Variants in MARCHF1 observed in about 807,000 individuals in gnomAD.
MARCHF1 encodes membrane associated ring-CH-type finger 1, also known as E3 ubiquitin-protein ligase MARCHF1.
A neutral mutation model predicts 54.2 loss-of-function variants in MARCHF1; 40 were observed. The observed-to-expected ratio is 0.74, with a 90% confidence interval of 0.57 to 0.96. The LOEUF (loss-of-function observed/expected upper bound fraction) is 0.96. MARCHF1 is among the 40% of genes least tolerant of loss of function. The pLI, the probability that MARCHF1 is intolerant of heterozygous loss-of-function variation, is 0.00. For synonymous variants in MARCHF1, 236 were observed against 236.3 expected, an observed-to-expected ratio of 1.00 and a Z score of 0.01; for missense variants, 586 against 656.5, an observed-to-expected ratio of 0.89 and a Z score of 1.17.
chr4:163,760,631 C>T (rs1361881250), intron 4 of MARCHF1, among the ~76,000 whole-genome samples: 2 of 152,144 alleles, frequency 1.3e-5, no homozygotes, highest in Non-Finnish European at 2.9e-5. Context: ...ACTGGAGATA[C>T]AATTTGCATT....
At chr4:164,308,151 C>A (rs1156420389) in intron 1 of MARCHF1, among the ~76,000 whole-genome samples, 1 of 152,094 alleles carries the variant, frequency 6.6e-6, no homozygotes, top group African/African-American at 2.4e-5. Flanking sequence ...TTTCAAAAAC[C>A]ACTAAAGTTG....
chr4:163,676,615 G>A (rs906560076), intron 5 of MARCHF1, among the ~76,000 whole-genome samples: 2 of 152,006 alleles, frequency 1.3e-5, no homozygotes, highest in South Asian at 2.1e-4. Flanking sequence ...AATTGGCAGG[G>A]CATGGTGGCA....
At chr4:163,530,414 C>G (rs1738307016) in intron 9 of MARCHF1, 1 of 152,046 alleles carries the variant, frequency 6.6e-6, no homozygotes, top group Middle Eastern at 3.4e-3. Context: ...TGGTAATCTT[C>G]TTTATATTTT....
chr4:163,607,371 CTT>C (rs1741179463), intron 7 of MARCHF1, among the ~76,000 whole-genome samples: 2 of 151,952 alleles, frequency 1.3e-5, no homozygotes, highest in Admixed American at 6.6e-5. Context: ...AATGTCAGTA[CTT>C]TGTTGGAGAC....
chr4:164,003,374 C>A (rs1038440237), intron 2 of MARCHF1, among the ~76,000 whole-genome samples: 4 of 151,886 alleles, frequency 2.6e-5, no homozygotes, highest in African/African-American at 9.7e-5. Context: ...TATAAACACA[C>A]CAATTCAAGG....
At chr4:164,045,979 A>G (rs904370666) in intron 2 of MARCHF1, among the ~76,000 whole-genome samples, 4 of 152,330 alleles carry the variant, frequency 2.6e-5, no homozygotes, top group Middle Eastern at 6.8e-3. Context: ...AAGACACAAG[A>G]TTCCTAAATC....
chr4:164,034,975 T>C (rs1166313904), intron 2 of MARCHF1, among the ~76,000 whole-genome samples: 3 of 152,262 alleles, frequency 2.0e-5, no homozygotes, highest in African/African-American at 7.2e-5. Flanking sequence ...AAAATCCGTG[T>C]TATAAATTGA....
At chr4:164,197,378 T>C (rs780009047) in intron 1 of MARCHF1, 101 of 1,613,076 alleles carry the variant, frequency 6.3e-5, no homozygotes, top group Non-Finnish European at 8.0e-5. Context: ...TCTAAGCTCT[T>C]GAGGTTTTCT....
intron 2 of MARCHF1, among the ~76,000 whole-genome samples, chr4:164,042,644 T>C (rs1323517723): frequency 2.0e-5 from 3 of 152,152 alleles, no homozygotes; most frequent in African/African-American, 7.2e-5. Flanking sequence ...CCTCCTCACA[T>C]TGCAAAATAC....
chr4:164,057,023 C>T (rs1754507521), intron 2 of MARCHF1, among the ~76,000 whole-genome samples: 1 of 152,100 alleles, frequency 6.6e-6, no homozygotes, highest in Non-Finnish European at 1.5e-5. Flanking sequence ...GTTCCTGTCA[C>T]ACCCCAGAAA....
At chr4:164,338,214 T>C (rs1729814250) in intron 1 of MARCHF1, among the ~76,000 whole-genome samples, 1 of 152,120 alleles carries the variant, frequency 6.6e-6, no homozygotes, top group Non-Finnish European at 1.5e-5. Flanking sequence ...TAGACTATTA[T>C]AATGATAAAG....
chr4:163,837,433 G>T (rs1300584188), intron 4 of MARCHF1, among the ~76,000 whole-genome samples: 1 of 152,166 alleles, frequency 6.6e-6, no homozygotes, highest in African/African-American at 2.4e-5. Context: ...TTTATAAGTT[G>T]CATGTAAGAG....
intron 4 of MARCHF1, among the ~76,000 whole-genome samples, chr4:163,724,805 G>A (rs1745600254): frequency 6.6e-6 from 1 of 152,160 alleles, no homozygotes; most frequent in Non-Finnish European, 1.5e-5. Flanking sequence ...GACCCTCCAA[G>A]CCATGCATGG....
chr4:163,734,990 A>G (rs757959754), intron 4 of MARCHF1, among the ~76,000 whole-genome samples: 1 of 152,174 alleles, frequency 6.6e-6, no homozygotes, highest in Non-Finnish European at 1.5e-5. Context: ...AGTGTTTTAT[A>G]CTTTTTATTA....
chr4:163,725,732 T>C (rs767103104), intron 4 of MARCHF1, among the ~76,000 whole-genome samples: 2 of 152,220 alleles, frequency 1.3e-5, no homozygotes, highest in African/African-American at 2.4e-5. Flanking sequence ...GGATCTATTA[T>C]TTGTCAATTA....
intron 1 of MARCHF1, among the ~76,000 whole-genome samples, chr4:164,119,340 A>G (rs1012178428): frequency 1.3e-5 from 2 of 151,522 alleles, no homozygotes; most frequent in African/African-American, 2.4e-5. Flanking sequence ...CAGAATCTAT[A>G]GGATTATATA....
At chr4:164,229,481 G>C (rs191347793) in intron 1 of MARCHF1, among the ~76,000 whole-genome samples, 48 of 152,274 alleles carry the variant, frequency 3.2e-4, no homozygotes, top group South Asian at 1.2e-3. Flanking sequence ...CTTGAAAAAG[G>C]AACTCCCAGA....
intron 4 of MARCHF1, among the ~76,000 whole-genome samples, chr4:163,791,578 A>T (rs909945476): frequency 2.6e-5 from 4 of 152,164 alleles, no homozygotes; most frequent in Admixed American, 1.3e-4. Flanking sequence ...ATAGGACTGC[A>T]GAATGAGAGT....
intron 1 of MARCHF1, among the ~76,000 whole-genome samples, chr4:164,203,086 T>C (rs1396339125): frequency 6.6e-6 from 1 of 151,998 alleles, no homozygotes; most frequent in African/African-American, 2.4e-5. Context: ...TAGACAATAG[T>C]AATGAAAGCC....
Sources: allele counts gnomAD v4.1 joint callset (sites outside exome capture counted in the v4.1 genomes callset), GRCh38; gene constraint gnomAD v4.1.1; transcripts MANE v1.5; gene names NCBI Gene and HGNC (gene_info 2026-07-23, HGNC 2026-07-21).